The following MRPS35 variants were observed in gnomAD, a reference collection of about 807,000 sequenced individuals.
The protein encoded by MRPS35 is small ribosomal subunit protein mS35.
In MRPS35, 29 loss-of-function variants were observed where a neutral mutation model predicts 32.7. That is an observed-to-expected ratio of 0.89 (90% confidence interval 0.66 to 1.21). MRPS35 has a LOEUF of 1.21. Among genes scored for constraint, MRPS35 ranks in the 50% most tolerant of loss-of-function variants. MRPS35 has a pLI of 0.00. For missense variants in MRPS35, 373 were observed against 383.8 expected (o/e 0.97, Z 0.23); for synonymous variants, 148 against 139.3 (o/e 1.06, Z -0.44).
At chr12:27,754,492 C>G (rs769762276) in intron 7 of MRPS35, among the ~76,000 whole-genome samples, 2 of 151,944 alleles carry the variant, frequency 1.3e-5, no homozygotes, top group Non-Finnish European at 2.9e-5. Context: ...TTGGGCCAGG[C>G]GCAGTGGCTT....
At chr12:27,713,718 A>G (rs554149028) in intron 1 of MRPS35, among the ~76,000 whole-genome samples, 73 of 152,284 alleles carry the variant, frequency 4.8e-4, no homozygotes, top group Non-Finnish European at 8.7e-4. Flanking sequence ...TCCTGGAAAC[A>G]TCCCCACAGA....
rs71438703 is a variant in MRPS35, at chr12:27,751,102, CAAAAAAAA to C, written c.703-4062_703-4055del. Among the ~76,000 whole-genome samples, 37 of 38,142 alleles carry C rather than the reference CAAAAAAAA, an allele frequency of 9.7e-4. No individual in the cohort carries two copies. The East Asian group carries it at 0.027, about 28-fold the overall frequency. 25.0% of individuals were successfully genotyped at this position (38,142 alleles called of 152,430 possible). A position where few individuals can be genotyped will look rare whatever the true frequency, so the allele number is the denominator to read the frequency against. On this transcript the variant is annotated intron_variant, in intron 7 of 7. Coordinates refer to ENST00000081029, the MANE Select transcript of MRPS35 (RefSeq NM_021821.4). The stretch of plus-strand genomic sequence containing the variant: ...TGGGTGACAGAGTGAGACTCCATCT[CAAAAAAAA>C]AAAAAAAAAAAAAAAAGAAAAGAAA...
chr12:27,719,784 A>G, intron 3 of MRPS35, 24 bp from the exon 4 acceptor site: 1 of 1,465,250 alleles, frequency 6.8e-7, no homozygotes, highest in South Asian at 1.2e-5. Context: ...TAGCTAATTT[A>G]TCTTTTAAAT....
Position 27,755,196 on chromosome 12 carries a change from G to C in MRPS35, c.718G>C (p.Glu240Gln). Residue 240 changes from glutamate (E) to glutamine (Q), a missense_variant, in exon 8 of 8, where the codon GAA becomes CAA. Coordinates refer to ENST00000081029, the MANE Select transcript of MRPS35 (RefSeq NM_021821.4). ...TTTGTTTCAGAATACTGAAGAATGGGAAAAAAGTAAGACTGAAGCAGACAT... is the reference window on the plus strand; with the variant it reads ...TTTGTTTCAGAATACTGAAGAATGGCAAAAAAGTAAGACTGAAGCAGACAT... ...YHESWNTEEW[E>Q]KSKTEADMEE... 2 of 1,547,138 alleles carry C rather than the reference G, an allele frequency of 1.3e-6. No homozygotes were observed. The highest frequency in any genetic ancestry group is 1.3e-5 in the South Asian group (1 of 77,448).
intron 1 of MRPS35, 147 bp from the exon 2 acceptor site, chr12:27,714,633 C>T: frequency 1.8e-6 from 1 of 571,326 alleles, no homozygotes; most frequent in Non-Finnish European, 2.8e-6. Flanking sequence ...CCTGAGCTTA[C>T]CAAAAAAAAA....
Position 27,719,830 on chromosome 12 carries a change from CT to C in MRPS35, c.345del (p.Pro116LeufsTer2). 1 of 1,607,414 alleles carries C rather than the reference CT, an allele frequency of 6.2e-7. No individual in the cohort carries two copies. The highest frequency in any genetic ancestry group is 8.5e-7 in the Non-Finnish European group (1 of 1,175,058). ...AAGATTCCCAATTTTCTGCATTTGA[CT>C]CCTGTAGCAATTAAAAAGCACTGTG... ...LLKIPNFLHL[T>X]PVAIKKHCEA... is the part of the protein sequence containing the mutation. On this transcript the variant is annotated frameshift_variant, in exon 4 of 8. Transcript: ENST00000081029. LOFTEE classifies it high-confidence loss of function.
chr12:27,753,758 G>A (rs2062015330), intron 7 of MRPS35, among the ~76,000 whole-genome samples: 1 of 151,958 alleles, frequency 6.6e-6, no homozygotes, highest in Non-Finnish European at 1.5e-5. Flanking sequence ...TTTGAACCAG[G>A]GTATATTACT....
Position 27,733,030 on chromosome 12 carries a change from A to C in MRPS35, c.523-2417A>C, listed in dbSNP as rs199676421. On this transcript the variant is annotated intron_variant, in intron 5 of 7. Coordinates refer to ENST00000081029, the MANE Select transcript of MRPS35 (RefSeq NM_021821.4). ...TATATATATATATATATATATATAT[A>C]TATATATATATCCAGCACCTCCTGT... 1.7e-3 allele frequency among the ~76,000 whole-genome samples: 207 copies of C among 123,182 alleles called. 2 individuals are homozygous for C. Among genetic ancestry groups the C allele is most frequent in the East Asian group, 0.015 (58 of 3,754 alleles). The allele number at this position is 123,182 out of a possible 152,430, so 80.8% of individuals were successfully genotyped here. A position where few individuals can be genotyped will look rare whatever the true frequency, so the allele number is the denominator to read the frequency against.
chr12:27,726,397 T>C (rs2061900806), intron 5 of MRPS35, among the ~76,000 whole-genome samples: 2 of 152,146 alleles, frequency 1.3e-5, no homozygotes, highest in Admixed American at 1.3e-4. Flanking sequence ...CATTCATTAA[T>C]TGGTGGACAT....
At chr12:27,734,602 C>G (rs1443538068) in intron 5 of MRPS35, among the ~76,000 whole-genome samples, 2 of 152,148 alleles carry the variant, frequency 1.3e-5, no homozygotes, top group African/African-American at 4.8e-5. Context: ...CCCTTATTCT[C>G]TGCAAATTAA....
chr12:27,755,004 G>T (rs1395544188), intron 7 of MRPS35, among the ~76,000 whole-genome samples, 177 bp from the exon 8 acceptor site: 1 of 151,856 alleles, frequency 6.6e-6, no homozygotes, highest in Non-Finnish European at 1.5e-5. Flanking sequence ...ACAGTACAGG[G>T]TTAAGGGGCC....
In MRPS35 at chr12:27,755,180, GA is replaced by G. The variant is rs773265132; in HGVS notation, c.704del (p.Asn235IlefsTer35). On this transcript the variant is annotated frameshift_variant and splice_region_variant, in exon 8 of 8. Transcript: ENST00000081029. LOFTEE classifies it low-confidence loss of function (END_TRUNC). ...TTTTTTTTTGTTTTGTTTTGTTTCA[GA>G]ATACTGAAGAATGGGAAAAAAGTAA... ...LLTVLYHESW[N>X]TEEWEKSKTE... 4.7e-6 allele frequency: 7 copies of G among 1,504,840 alleles called. No individual in the cohort carries two copies. Among genetic ancestry groups the G allele is most frequent in the Non-Finnish European group, 5.3e-6 (6 of 1,132,264 alleles). 93.2% of individuals were successfully genotyped at this position (1,504,840 alleles called of 1,614,324 possible).
Position 27,724,134 on chromosome 12 carries a change from T to C in MRPS35, c.470T>C (p.Val157Ala), listed in dbSNP as rs199609857. The C allele has an allele frequency of 6.2e-7, 1 of 1,612,882 alleles. No homozygotes were observed. Among genetic ancestry groups the C allele is most frequent in the Non-Finnish European group, 8.5e-7 (1 of 1,179,586 alleles). The change falls in exon 5 of 8, where the codon GTT (valine) becomes GCT (alanine). Residue 157 changes from valine to alanine, a missense_variant. Transcript: ENST00000081029. ...FPIEIDSTDY[V>A]SSGPSVRNPR... Reference sequence around the variant, plus strand: ...ATTGAAATTGACAGCACTGATTATGTTTCATCAGGACCATCTGTTCGGAAC... The same window carrying C: ...ATTGAAATTGACAGCACTGATTATGCTTCATCAGGACCATCTGTTCGGAAC...
At chr12:27,724,744 GAA>G (rs534721320) in intron 5 of MRPS35, among the ~76,000 whole-genome samples, 1 of 144,132 alleles carries the variant, frequency 6.9e-6, no homozygotes, top group Admixed American at 6.9e-5. Flanking sequence ...TTCCATCTCG[GAA>G]AAAAAAAAAA....
rs1441153696 is a variant in MRPS35, at chr12:27,737,675, C to T, written c.702+67C>T. The T allele has an allele frequency of 9.4e-6, 12 of 1,276,292 alleles. No homozygotes were observed. The Admixed American group carries it at 1.6e-4, about 17-fold the overall frequency. 79.1% of individuals were successfully genotyped at this position (1,276,292 alleles called of 1,614,324 possible). ...TAGATGATGTTAACCTTTCAAAATA[C>T]TCTTTGTGGCAAGTACTCAACTGAG... On this transcript the variant is annotated intron_variant, in intron 7 of 7. Coordinates refer to ENST00000081029, the MANE Select transcript of MRPS35 (RefSeq NM_021821.4).
chr12:27,723,664 G>A (rs2061886439), intron 4 of MRPS35, among the ~76,000 whole-genome samples: 2 of 152,000 alleles, frequency 1.3e-5, no homozygotes, highest in South Asian at 4.1e-4. Context: ...AATACTATCT[G>A]TTACTTTTTT....
At chr12:27,719,447 A>T (rs2061864122) in intron 3 of MRPS35, among the ~76,000 whole-genome samples, 1 of 152,074 alleles carries the variant, frequency 6.6e-6, no homozygotes, top group Admixed American at 6.5e-5. Flanking sequence ...CGGGTGGATC[A>T]TGAGGTCAGG....
At chr12:27,719,738 A>T in intron 3 of MRPS35, 70 bp from the exon 4 acceptor site, 1 of 953,782 alleles carries the variant, frequency 1.0e-6, no homozygotes, top group Non-Finnish European at 1.6e-6. Context: ...ATTTAGTTTT[A>T]TGAGAAGATT....
chr12:27,742,778 A>G (rs1285895442), intron 7 of MRPS35, among the ~76,000 whole-genome samples: 1 of 152,148 alleles, frequency 6.6e-6, no homozygotes, highest in Non-Finnish European at 1.5e-5. Flanking sequence ...GTTATTTGAA[A>G]AAGTACTTCT....
Sources: allele counts gnomAD v4.1 joint callset (sites outside exome capture counted in the v4.1 genomes callset), GRCh38; gene constraint gnomAD v4.1.1; transcripts MANE v1.5; gene names NCBI Gene and HGNC (gene_info 2026-07-23, HGNC 2026-07-21).